STAB2: variants seen among roughly 807,000 people sequenced by gnomAD.
STAB2 encodes stabilin-2.
In STAB2, 288 loss-of-function variants were observed where a neutral mutation model predicts 338.1. That is an observed-to-expected ratio of 0.85 (90% CI 0.77 to 0.94). STAB2 has a LOEUF of 0.94. STAB2 is among the 40% of genes least tolerant of loss of function. STAB2 has a pLI of 0.00. For synonymous variants in STAB2, 1,202 were observed against 1,193.3 expected (o/e 1.01, Z -0.15); for missense variants, 3,141 against 3,210.1 (o/e 0.98, Z 0.52).
In STAB2 at chr12:103,713,649, A is replaced by G. The variant is rs767028010; in HGVS notation, c.4418A>G (p.Asn1473Ser). 7.4e-6 allele frequency: 12 copies of G among 1,613,720 alleles called. No homozygotes were observed. Among genetic ancestry groups the G allele is most frequent in the Admixed American group, 1.7e-5 (1 of 59,984 alleles). Residue 1473 changes from asparagine to serine, a missense_variant, in exon 42 of 69, where the codon AAT becomes AGT. By Grantham distance (46) the Asn-to-Ser change is conservative (BLOSUM62 1). Transcript: ENST00000388887. ...TCTGTGTCATCTTCTATAGCAATCA[A>G]TGCCTGTGAGATCAGCAATGGAGGT... ...QGNGTICTAI[N>S]ACEISNGGCS...
chr12:103,716,273 G>A (rs962556000), intron 43 of STAB2, among the ~76,000 whole-genome samples: 2 of 152,190 alleles, frequency 1.3e-5, no homozygotes, highest in African/African-American at 2.4e-5. Context: ...TAATACTGTG[G>A]GCACTCTACC....
At chr12:103,763,451 T>G in intron 67 of STAB2, 41 bp from the exon 68 acceptor site, 1 of 1,593,168 alleles carries the variant, frequency 6.3e-7, no homozygotes, top group Non-Finnish European at 8.6e-7. Context: ...CGCTCCTGCT[T>G]TGGGGATGCT....
chr12:103,640,319 T>C lies in STAB2; in HGVS notation c.1040+63T>C, dbSNP rs1258689655. On this transcript the variant is annotated intron_variant, in intron 9 of 68. Coordinates refer to ENST00000388887, the MANE Select transcript of STAB2 (RefSeq NM_017564.10). ...GGTGAAAATGGTGTCCAGTCATTGC[T>C]GTAAGTTTCTTGAAGGGGAGGAAAT... 8 of 1,569,294 alleles carry C rather than the reference T, an allele frequency of 5.1e-6. No homozygotes were observed. The East Asian group carries it at 1.4e-4, about 27-fold the overall frequency.
rs1473859201 is a variant in STAB2 at position 103,695,922 on chromosome 12, G to A, written c.3582+78G>A. ...TCAGTGTTTGTAATCCATTAGTTGTGTGCCATTTCACTCCTTCATCCTTGT... is the reference window on the plus strand; with the variant it reads ...TCAGTGTTTGTAATCCATTAGTTGTATGCCATTTCACTCCTTCATCCTTGT... On this transcript the variant is annotated intron_variant, in intron 33 of 68. Transcript: ENST00000388887. 5 of 1,393,330 alleles carry A rather than the reference G, an allele frequency of 3.6e-6. No homozygotes were observed. The East Asian group carries it at 6.9e-5, about 19-fold the overall frequency. The allele number at this position is 1,393,330 out of a possible 1,614,324, so 86.3% of individuals were successfully genotyped here.
Position 103,735,597 on chromosome 12 carries a change from A to G in STAB2, c.5550+17A>G, listed in dbSNP as rs35300461. 0.04 allele frequency: 22,528 copies of G among 558,132 alleles called. 285 individuals carry two copies. Among genetic ancestry groups the G allele is most frequent in the Non-Finnish European group, 0.065 (19,852 of 304,104 alleles). The allele number at this position is 558,132 out of a possible 1,614,324, so 34.6% of individuals were successfully genotyped here. A position where few individuals can be genotyped will look rare whatever the true frequency, so the allele number is the denominator to read the frequency against. On this transcript the variant is annotated intron_variant, in intron 52 of 68. Coordinates refer to ENST00000388887, the MANE Select transcript of STAB2 (RefSeq NM_017564.10). ...AGGGACATCGTGAGTATCATCATGA[A>G]GGGTGGGCAGGGAGGGGTTAACACA...
At chr12:103,714,489 G>T (rs900769093) in intron 42 of STAB2, among the ~76,000 whole-genome samples, 15 of 152,146 alleles carry the variant, frequency 9.9e-5, no homozygotes, top group African/African-American at 3.6e-4. Flanking sequence ...CATAAGGTCA[G>T]GAGTTCGAGA....
intron 3 of STAB2, among the ~76,000 whole-genome samples, chr12:103,610,902 G>T (rs1957112435): frequency 6.6e-6 from 1 of 152,066 alleles, no homozygotes; most frequent in South Asian, 2.1e-4. Context: ...TGTTCTCATT[G>T]GTTTCAAAGA....
chr12:103,677,009 T>A (rs1037716195), intron 24 of STAB2, among the ~76,000 whole-genome samples: 1 of 152,112 alleles, frequency 6.6e-6, no homozygotes, highest in African/African-American at 2.4e-5. Flanking sequence ...TCTCATTCTG[T>A]CCTCCAGCCT....
In STAB2 at chr12:103,712,399, G is replaced by A; in HGVS notation, c.4367G>A (p.Cys1456Tyr). 2 of 1,614,152 alleles carry A rather than the reference G, an allele frequency of 1.2e-6. No homozygotes were observed. The highest frequency in any genetic ancestry group is 1.7e-6 in the Non-Finnish European group (2 of 1,179,988). ...CLTNSDGTAS[C>Y]KCAAGFQGNG... ...ACCAACTCAGATGGTACAGCTTCAT[G>A]CAAGTGTGCAGCAGGATTCCAAGGA... The change falls in exon 41 of 69, where the codon TGC (cysteine) becomes TAC (tyrosine). Residue 1456 changes from cysteine to tyrosine, a missense_variant. Transcript: ENST00000388887.
intron 9 of STAB2, 89 bp from the exon 10 acceptor site, chr12:103,648,601 T>G: frequency 6.6e-7 from 1 of 1,522,988 alleles, no homozygotes; most frequent in Non-Finnish European, 8.8e-7. Flanking sequence ...CATCCTTTGC[T>G]CCATCTGTTC....
At chr12:103,677,052 C>A (rs1329488713) in intron 24 of STAB2, among the ~76,000 whole-genome samples, 8 of 152,172 alleles carry the variant, frequency 5.3e-5, no homozygotes, top group Admixed American at 5.2e-4. Flanking sequence ...GGCCCGGGAG[C>A]TAGTATAGTG....
At chr12:103,721,702 TG>T (rs1308677643) in intron 44 of STAB2, among the ~76,000 whole-genome samples, 1 of 152,180 alleles carries the variant, frequency 6.6e-6, no homozygotes, top group African/African-American at 2.4e-5. Context: ...AGAAGTCGCT[TG>T]GGCCAGGTGG....
intron 18 of STAB2, among the ~76,000 whole-genome samples, chr12:103,665,672 G>A (rs1450722210): frequency 6.6e-6 from 1 of 152,070 alleles, no homozygotes; most frequent in African/African-American, 2.4e-5. Flanking sequence ...GTGACTGGAC[G>A]TTGGCCAACA....
rs1835365628 is a variant in STAB2, at chr12:103,587,313, A to C, written c.-164A>C. On this transcript the variant is annotated 5_prime_UTR_variant, in exon 1 of 69. Coordinates refer to ENST00000388887, the MANE Select transcript of STAB2 (RefSeq NM_017564.10). ...TTTGCCATTTTTCCTTTCTGAAGGCAGGTCTCACCTATCTCCTGGTTCGAT... is the reference window on the plus strand; with the variant it reads ...TTTGCCATTTTTCCTTTCTGAAGGCCGGTCTCACCTATCTCCTGGTTCGAT... The C allele has an allele frequency of 4.8e-6, 3 of 624,000 alleles. No homozygotes were observed. In the Admixed American group the frequency reaches 9.0e-5, roughly 19 times the overall value. The allele number at this position is 624,000 out of a possible 1,614,324, so 38.7% of individuals were successfully genotyped here.
Position 103,677,455 on chromosome 12 carries a change from A to G in STAB2, c.2649A>G (p.Ala883=). The G allele has an allele frequency of 1.2e-6, 2 of 1,606,670 alleles. No individual in the cohort carries two copies. Among genetic ancestry groups the G allele is most frequent in the Non-Finnish European group, 1.7e-6 (2 of 1,173,676 alleles). ...GLTPGGCSRN[A]ECIKTGTGTH... Reference sequence around the variant, plus strand: ...TGCTTTTTCTTTTCCTCCTGCAGGCAGAATGCATCAAAACTGGCACGGGCA... The same window carrying G: ...TGCTTTTTCTTTTCCTCCTGCAGGCGGAATGCATCAAAACTGGCACGGGCA... The change falls in exon 25 of 69, where the codon GCA becomes GCG. Residue 883 remains alanine, a splice_region_variant and synonymous_variant. Transcript: ENST00000388887.
chr12:103,674,412 C>T (rs563704296), intron 23 of STAB2, among the ~76,000 whole-genome samples: 1 of 152,290 alleles, frequency 6.6e-6, no homozygotes, highest in African/African-American at 2.4e-5. Flanking sequence ...ATTAGCAGAA[C>T]TCAATGCAGA....
intron 57 of STAB2, 114 bp from the exon 58 acceptor site, chr12:103,746,483 A>T (rs1883039974): frequency 1.1e-6 from 1 of 898,478 alleles, no homozygotes; most frequent in South Asian, 1.4e-5. Context: ...CCTGCTGTAC[A>T]GGGGCACTTA....
At chr12:103,693,684 T>G (rs1341890528) in intron 31 of STAB2, among the ~76,000 whole-genome samples, 1 of 152,072 alleles carries the variant, frequency 6.6e-6, no homozygotes, top group Non-Finnish European at 1.5e-5. Flanking sequence ...AACAAAGGTA[T>G]GACATAGGAA....
At chr12:103,668,431 A>G in intron 19 of STAB2, 1 of 551,430 alleles carries the variant, frequency 1.8e-6, no homozygotes, top group Non-Finnish European at 3.3e-6. Flanking sequence ...GATGATGCAA[A>G]CTCTGGCCTG....
Sources: gnomAD v4.1 joint callset for allele counts (sites outside exome capture counted in the v4.1 genomes callset) on GRCh38, gnomAD v4.1.1 for gene constraint, MANE v1.5 for transcripts, NCBI Gene and HGNC (gene_info 2026-07-23, HGNC 2026-07-21) for gene names.